The following DLGAP2 variants were observed in gnomAD, a reference collection of about 807,000 sequenced individuals.
The protein encoded by DLGAP2 is disks large-associated protein 2.
A neutral mutation model predicts 100.3 loss-of-function variants in DLGAP2; 26 were observed. The observed-to-expected ratio is 0.26, with a 90% CI of 0.19 to 0.36. The LOEUF (loss-of-function observed/expected upper bound fraction) is 0.36, where lower values mean the gene tolerates loss of function less well. Ranked by LOEUF, DLGAP2 falls within the 10% of genes least tolerant of loss-of-function variation. DLGAP2 has a pLI of 1.00. For synonymous variants in DLGAP2, 886 were observed against 630.1 expected, an observed-to-expected ratio of 1.41 and a Z score of -6.08; for missense variants, 1,858 against 1,453.2, an observed-to-expected ratio of 1.28 and a Z score of -4.53.
chr8:1,555,072 G>T (rs914524789), intron 5 of DLGAP2, among the ~76,000 whole-genome samples: 1 of 152,172 alleles, frequency 6.6e-6, no homozygotes, highest in African/African-American at 2.4e-5. Flanking sequence ...GTGGCTCATG[G>T]TATAGATCTG....
intron 2 of DLGAP2, among the ~76,000 whole-genome samples, chr8:1,193,188 G>T (rs141455844): frequency 6.6e-6 from 1 of 152,222 alleles, no homozygotes; most frequent in Admixed American, 6.5e-5. Context: ...GTATATAACC[G>T]GTAATGGGAT....
intron 8 of DLGAP2, among the ~76,000 whole-genome samples, chr8:1,644,892 A>G (rs1452397900): frequency 6.6e-6 from 1 of 152,246 alleles, no homozygotes; most frequent in Admixed American, 6.5e-5. Flanking sequence ...TTCTGAAAAC[A>G]TTGAGAAAAA....
At chr8:1,514,837 C>G (rs974900161) in intron 4 of DLGAP2, among the ~76,000 whole-genome samples, 3 of 152,152 alleles carry the variant, frequency 2.0e-5, no homozygotes, top group Admixed American at 6.5e-5. Flanking sequence ...TGGCGCTCAG[C>G]GTGATGCCAC....
rs1162409418 is a variant in DLGAP2 at position 1,368,255 on chromosome 8, T to C, written c.106+109372T>C. Among the ~76,000 whole-genome samples the C allele has an allele frequency of 2.0e-5, 3 of 152,220 alleles. No homozygotes were observed. In the East Asian group the frequency reaches 5.8e-4, roughly 29 times the overall value. ...GTATGCATGTATGTGTGAGCATGTG[T>C]GTGCGTGTGTGCAGGTATGTGTGTA... On this transcript the variant is annotated intron_variant, in intron 3 of 14. Transcript: ENST00000637795.
At chr8:1,681,574 C>T (rs929316165) in intron 12 of DLGAP2, among the ~76,000 whole-genome samples, 1 of 152,030 alleles carries the variant, frequency 6.6e-6, no homozygotes. Flanking sequence ...GGGAGGATTG[C>T]CTGAGCCCCA....
chr8:1,700,924 C>T (rs1158343266), intron 14 of DLGAP2, among the ~76,000 whole-genome samples: 1 of 152,378 alleles, frequency 6.6e-6, no homozygotes, highest in East Asian at 1.9e-4. Flanking sequence ...TGCAGAATTT[C>T]TTTCCTGATT....
chr8:1,076,202 TC>T (rs1803603040), intron 2 of DLGAP2, among the ~76,000 whole-genome samples: 1 of 152,284 alleles, frequency 6.6e-6, no homozygotes, highest in Non-Finnish European at 1.5e-5. Context: ...TCTCCGCCTC[TC>T]CCCTCACCCC....
At position 1,456,101 on chromosome 8, in the gene DLGAP2, A is replaced by G. The variant is rs116455388; in HGVS notation, c.107-45265A>G. Among the ~76,000 whole-genome samples the G allele has an allele frequency of 7.2e-3, 1,099 of 152,340 alleles. 15 individuals are homozygous for G. The highest frequency in any genetic ancestry group is 0.026 in the African/African-American group (1,070 of 41,574). On this transcript the variant is annotated intron_variant, in intron 3 of 14. Coordinates refer to ENST00000637795, the MANE Select transcript of DLGAP2 (RefSeq NM_001346810.2). The stretch of plus-strand genomic sequence containing the variant: ...CCCTCCCAGCAGCTTTCGATGGATC[A>G]AAGCTTGACTCCCATGTCGCGTTGA...
intron 2 of DLGAP2, among the ~76,000 whole-genome samples, chr8:1,049,507 T>G (rs141127356): frequency 6.6e-6 from 1 of 152,272 alleles, no homozygotes; most frequent in Non-Finnish European, 1.5e-5. Context: ...TGTAAAAATT[T>G]ATTGTGCTTT....
chr8:1,229,611 T>G (rs77359080), intron 2 of DLGAP2, among the ~76,000 whole-genome samples: 4,447 of 152,208 alleles, frequency 0.029, 213 homozygotes, highest in African/African-American at 0.1. Flanking sequence ...TGAACACAGA[T>G]GCAAACATTC....
chr8:951,874 C>A (rs1432622675), intron 2 of DLGAP2, among the ~76,000 whole-genome samples: 1 of 152,212 alleles, frequency 6.6e-6, no homozygotes, highest in Non-Finnish European at 1.5e-5. Context: ...AAGAAACAAT[C>A]ATTTCAAGGC....
At chr8:914,704 G>C (rs1400519755) in intron 2 of DLGAP2, among the ~76,000 whole-genome samples, 2 of 152,326 alleles carry the variant, frequency 1.3e-5, no homozygotes, top group South Asian at 4.1e-4. Context: ...TAGGTTTGTG[G>C]TTTACAGCCA....
rs1799568960 is a variant in DLGAP2, at chr8:955,184, G to A, written c.73+47218G>A. On this transcript the variant is annotated intron_variant, in intron 2 of 14. Transcript: ENST00000637795. ...TCATGGAAGCTCACCCGTGTATGCTGTATTTGAGTTTGCTTCCCGAAGACT... is the reference window on the plus strand; with the variant it reads ...TCATGGAAGCTCACCCGTGTATGCTATATTTGAGTTTGCTTCCCGAAGACT... 2.0e-5 allele frequency among the ~76,000 whole-genome samples: 3 copies of A among 152,104 alleles called. No individual in the cohort carries two copies. In the South Asian group the frequency reaches 6.2e-4, roughly 32 times the overall value.
intron 1 of DLGAP2, among the ~76,000 whole-genome samples, chr8:806,415 A>G (rs547763584): frequency 3.3e-4 from 50 of 152,278 alleles, no homozygotes; most frequent in East Asian, 1.9e-4. Context: ...GCGTCTCTGG[A>G]CTGGTCACCG....
intron 2 of DLGAP2, among the ~76,000 whole-genome samples, chr8:1,223,522 T>C (rs1018541633): frequency 6.6e-6 from 1 of 152,260 alleles, no homozygotes; most frequent in Non-Finnish European, 1.5e-5. Flanking sequence ...AATATCATTG[T>C]ATAAGAAGGG....
At chr8:1,415,419 C>T (rs1563132649) in intron 3 of DLGAP2, among the ~76,000 whole-genome samples, 1 of 152,058 alleles carries the variant, frequency 6.6e-6, no homozygotes, top group Non-Finnish European at 1.5e-5. Flanking sequence ...CACCCAGACA[C>T]TGAGCACAGC....
At chr8:1,287,308 G>T (rs77330088) in intron 3 of DLGAP2, among the ~76,000 whole-genome samples, 1 of 130,420 alleles carries the variant, frequency 7.7e-6, no homozygotes, top group African/African-American at 3.0e-5. Context: ...ACTAGTTTCG[G>T]TTCAGCGTGT....
chr8:1,443,553 G>A (rs141060340), intron 3 of DLGAP2, among the ~76,000 whole-genome samples: 1,845 of 152,314 alleles, frequency 0.012, 45 homozygotes, highest in African/African-American at 0.043. Flanking sequence ...CTGAGACTGG[G>A]TAATTTATAG....
chr8:1,217,578 C>T (rs116552256), intron 2 of DLGAP2, among the ~76,000 whole-genome samples: 102 of 152,190 alleles, frequency 6.7e-4, no homozygotes, highest in Non-Finnish European at 1.3e-3. Context: ...TCTCTGATTT[C>T]CTTTAGCAGT....
Sources: allele counts gnomAD v4.1 joint callset (sites outside exome capture counted in the v4.1 genomes callset), GRCh38; gene constraint gnomAD v4.1.1; transcripts MANE v1.5; gene names NCBI Gene and HGNC (gene_info 2026-07-23, HGNC 2026-07-21).